PCDHGB3: variants seen among roughly 807,000 people sequenced by gnomAD.
The protein encoded by PCDHGB3 is protocadherin gamma subfamily B, 3, also known as protocadherin gamma-B3.
A neutral mutation model predicts 59.2 loss-of-function variants in PCDHGB3; 40 were observed. That is an observed-to-expected ratio of 0.68 (90% CI 0.52 to 0.88). PCDHGB3 has a LOEUF of 0.88. Ranked by LOEUF, PCDHGB3 falls within the 40% of genes least tolerant of loss-of-function variation. PCDHGB3 has a pLI of 0.00. For synonymous variants in PCDHGB3, 581 were observed against 503.6 expected (o/e 1.15, Z -2.06); for missense variants, 1,309 against 1,187.9 (o/e 1.10, Z -1.50).
intron 1 of PCDHGB3, among the ~76,000 whole-genome samples, chr5:141,472,980 C>CAAAAAAAAAAAAAAAAAGAAAAAA (rs2099309731): frequency 2.3e-5 from 2 of 86,106 alleles, no homozygotes; most frequent in Non-Finnish European, 5.0e-5. Flanking sequence ...GAGTGAAACT[C>CAAAAAAAAAAAAAAAAAGAAAAAA]AAAAAAAAAA....
chr5:141,383,869 G>C (rs1311272718), intron 1 of PCDHGB3: 1 of 1,613,980 alleles, frequency 6.2e-7, no homozygotes, highest in Non-Finnish European at 8.5e-7. Context: ...GGCTCAAGAT[G>C]GTCCTGGTAG....
intron 1 of PCDHGB3, chr5:141,475,984 G>T: frequency 1.9e-6 from 2 of 1,069,308 alleles, no homozygotes; most frequent in South Asian, 3.1e-5. Context: ...AACAGCCGGC[G>T]AGCAAATCAA....
rs576761049 is a variant in PCDHGB3, at chr5:141,372,029, C to T, written c.1635C>T (p.Asn545=). The change falls in exon 1 of 4, where the codon AAC becomes AAT. Residue 545 remains asparagine (N), a synonymous_variant. Transcript: ENST00000576222. ...RDQGSPTLSA[N]VSLRVLVDDR... is the part of the protein sequence containing the mutation. ...AGGGCTCGCCTACGCTCAGCGCCAACGTGAGCCTGCGCGTGTTGGTGGACG... is the reference window on the plus strand; with the variant it reads ...AGGGCTCGCCTACGCTCAGCGCCAATGTGAGCCTGCGCGTGTTGGTGGACG... The T allele has an allele frequency of 2.7e-5, 43 of 1,613,442 alleles. No individual in the cohort carries two copies. The African/African-American group carries it at 4.3e-4, about 16-fold the overall frequency.
At chr5:141,408,563 G>T (rs1266893654) in intron 1 of PCDHGB3, 1 of 1,614,040 alleles carries the variant, frequency 6.2e-7, no homozygotes, top group South Asian at 1.1e-5. Flanking sequence ...TCATGTCATT[G>T]TGGTGATTGA....
chr5:141,433,038 C>A, intron 1 of PCDHGB3: 3 of 1,614,180 alleles, frequency 1.9e-6, no homozygotes, highest in Non-Finnish European at 2.5e-6. Flanking sequence ...GTTTCCCTCA[C>A]CACGGACTCG....
chr5:141,492,602 C>G (rs1352851783), intron 1 of PCDHGB3, among the ~76,000 whole-genome samples: 2 of 152,222 alleles, frequency 1.3e-5, no homozygotes, highest in Non-Finnish European at 2.9e-5. Flanking sequence ...GAGCGACTGC[C>G]GCTCTAAGTG....
chr5:141,431,150 CCTTA>C lies in PCDHGB3; in HGVS notation c.2415+58345_2415+58348del, dbSNP rs1302288904. ...AGTAAGGGACATTAACGACAATGCG[CCTTA>C]CTTTCGTGAAAGTGAATTAGAAATA... On this transcript the variant is annotated intron_variant, in intron 1 of 3. Coordinates refer to ENST00000576222, the MANE Select transcript of PCDHGB3 (RefSeq NM_018924.5). The surrounding 1 kb of genome is among the most constrained non-coding windows in gnomAD (Gnocchi z 4.8). 3 of 1,614,226 alleles carry C rather than the reference CCTTA, an allele frequency of 1.9e-6. No individual in the cohort carries two copies. The highest frequency in any genetic ancestry group is 2.2e-5 in the East Asian group (1 of 44,876).
Position 141,476,242 on chromosome 5 carries a change from G to T in PCDHGB3, c.2416-18565G>T. ...ACTATGAGATCCCGGAGGAAAGAGA[G>T]AAGGGTTTCGCTGTGGGCAACGTGG... is the stretch of plus-strand genomic sequence containing the variant. On this transcript the variant is annotated intron_variant, in intron 1 of 3. Coordinates refer to ENST00000576222, the MANE Select transcript of PCDHGB3 (RefSeq NM_018924.5). The surrounding 1 kb of genome is among the most constrained non-coding windows in gnomAD (Gnocchi z 7.6). 6.2e-7 allele frequency: 1 copy of T among 1,614,100 alleles called. No individual in the cohort carries two copies.
At chr5:141,388,616 A>C in intron 1 of PCDHGB3, 1 of 1,613,938 alleles carries the variant, frequency 6.2e-7, no homozygotes, top group Non-Finnish European at 8.5e-7. Flanking sequence ...TGTTCAGTCA[A>C]GACGTATACA....
At chr5:141,443,109 C>A (rs373919534) in intron 1 of PCDHGB3, among the ~76,000 whole-genome samples, 2 of 152,100 alleles carry the variant, frequency 1.3e-5, no homozygotes, top group South Asian at 2.1e-4. Flanking sequence ...CTGAACCTTG[C>A]TTTTCAAACC....
intron 1 of PCDHGB3, chr5:141,409,130 G>C (rs1265386524): frequency 2.5e-6 from 4 of 1,613,994 alleles, no homozygotes; most frequent in Non-Finnish European, 3.4e-6. Flanking sequence ...ATTTGATTTT[G>C]AAGATGTAGA....
chr5:141,393,577 T>C (rs781192019), intron 1 of PCDHGB3: 1 of 1,613,890 alleles, frequency 6.2e-7, no homozygotes, highest in Admixed American at 1.7e-5. Flanking sequence ...CTTGAGAACA[T>C]GCCCCCAGGC....
At chr5:141,417,821 A>C in intron 1 of PCDHGB3, 3 of 1,515,060 alleles carry the variant, frequency 2.0e-6, no homozygotes, top group Non-Finnish European at 1.8e-6. Context: ...ACTTTCTCCA[A>C]CTGGAAAAGC....
chr5:141,407,406 C>T (rs971404616), intron 1 of PCDHGB3, among the ~76,000 whole-genome samples: 2 of 152,090 alleles, frequency 1.3e-5, no homozygotes, highest in East Asian at 3.8e-4. Flanking sequence ...AGTTACTATT[C>T]GATACCACAA....
In PCDHGB3 at chr5:141,491,667, G is replaced by C. The variant is rs746903142; in HGVS notation, c.2416-3140G>C. The C allele has an allele frequency of 3.7e-6, 6 of 1,613,678 alleles. No individual in the cohort carries two copies. The South Asian group carries it at 6.6e-5, about 18-fold the overall frequency. On this transcript the variant is annotated intron_variant, in intron 1 of 3. Transcript: ENST00000576222. This position sits in a 1 kb window ranked among gnomAD's most constrained non-coding sequence, Gnocchi z 6.9. Reference sequence around the variant, plus strand: ...TGGCGCTGGAGCCTGACGCCATCCGGTCCCGCTCTAATACGCTGCGGGAGC... The same window carrying C: ...TGGCGCTGGAGCCTGACGCCATCCGCTCCCGCTCTAATACGCTGCGGGAGC...
chr5:141,478,011 G>A (rs1216659966), intron 1 of PCDHGB3: 1 of 1,614,088 alleles, frequency 6.2e-7, no homozygotes, highest in East Asian at 2.2e-5. Flanking sequence ...AGTACTGCCC[G>A]TCCAGTCCAA....
At chr5:141,394,326 A>G in intron 1 of PCDHGB3, 1 of 1,613,902 alleles carries the variant, frequency 6.2e-7, no homozygotes, top group Non-Finnish European at 8.5e-7. Flanking sequence ...GTCCTCGTAT[A>G]TCTCCATCAA....
At chr5:141,399,952 G>A in intron 1 of PCDHGB3, 1 of 1,612,186 alleles carries the variant, frequency 6.2e-7, no homozygotes, top group Non-Finnish European at 8.5e-7. Flanking sequence ...GCAGGCTAGC[G>A]AGCCCGGGCT....
intron 1 of PCDHGB3, chr5:141,426,170 T>G (rs2096918811): frequency 6.4e-6 from 1 of 155,200 alleles, no homozygotes. Flanking sequence ...CCATACGGAT[T>G]GGGGTGCCCT....
Sources: allele counts gnomAD v4.1 joint callset (sites outside exome capture counted in the v4.1 genomes callset), GRCh38; gene constraint gnomAD v4.1.1; non-coding constraint Gnocchi (gnomAD v3.1); transcripts MANE v1.5; gene names NCBI Gene and HGNC (gene_info 2026-07-23, HGNC 2026-07-21).